SEPTIN6: variants seen among roughly 807,000 people sequenced by gnomAD.
The protein encoded by SEPTIN6 is septin 6.
SEPTIN6 carries 8 observed loss-of-function variants against 33.6 expected under a neutral mutation model. That is an observed-to-expected ratio of 0.24 (90% confidence interval 0.14 to 0.43). The LOEUF (loss-of-function observed/expected upper bound fraction) is 0.43. Ranked by LOEUF, SEPTIN6 falls within the 20% of genes least tolerant of loss-of-function variation. SEPTIN6 has a pLI of 1.00. For missense variants in SEPTIN6, 250 were observed against 340.8 expected, an observed-to-expected ratio of 0.73 and a Z score of 2.10; for synonymous variants, 131 against 140.0, an observed-to-expected ratio of 0.94 and a Z score of 0.45.
chrX:119,616,883 C>A, downstream of SEPTIN6: 2 of 1,086,966 alleles, frequency 1.8e-6, no homozygotes, highest in South Asian at 4.6e-5. Flanking sequence ...AAATGGGGGT[C>A]ATTGCTGGGC....
chrX:119,634,137 C>T (rs1191744059), intron 7 of SEPTIN6, among the ~76,000 whole-genome samples: 4 of 111,164 alleles, frequency 3.6e-5, no homozygotes, highest in African/African-American at 1.3e-4. Flanking sequence ...GAGGCCAAGA[C>T]GGGTGGATCA....
intron 9 of SEPTIN6, among the ~76,000 whole-genome samples, chrX:119,627,792 T>C (rs1409787603): frequency 1.4e-5 from 1 of 70,501 alleles, no homozygotes; most frequent in Non-Finnish European, 2.8e-5. Flanking sequence ...TCTGCACTTC[T>C]TTTTTTTTTT....
rs2055059718 is a variant in SEPTIN6, at chrX:119,686,549, T to G, written c.30+6527A>C. 4 of 925,409 alleles carry G rather than the reference T, an allele frequency of 4.3e-6. No individual in the cohort carries two copies. The East Asian group carries it at 3.0e-4, about 70-fold the overall frequency. The allele number at this position is 925,409 out of a possible 1,213,427, so 76.3% of individuals were successfully genotyped here. The stretch of plus-strand genomic sequence containing the variant: ...GAAGACACTGAAGAAGAGGATAACA[T>G]TATTTCTCACCCTCCTGAGCATGTG... On this transcript the variant is annotated intron_variant, in intron 1 of 10. Transcript: ENST00000394610.
intron 8 of SEPTIN6, among the ~76,000 whole-genome samples, chrX:119,630,658 A>G (rs1020703309): frequency 4.5e-5 from 5 of 111,731 alleles, no homozygotes; most frequent in Non-Finnish European, 9.4e-5. Flanking sequence ...GCACTTTGGG[A>G]GGCCAAGGTG....
Position 119,618,362 on chromosome X carries a change from TCAA to T in SEPTIN6, c.*1728_*1730del, listed in dbSNP as rs1017700754. On this transcript the variant is annotated 3_prime_UTR_variant, in exon 11 of 11. Transcript: ENST00000394610. ...ACAGCAAACCTATATTCTTGCTTTGTCAACAAGAAAAGTGCGTGCATATGTTTG... is the reference window on the plus strand; with the variant it reads ...ACAGCAAACCTATATTCTTGCTTTGTCAAGAAAAGTGCGTGCATATGTTTG... 1 of 817,901 alleles carries T rather than the reference TCAA, an allele frequency of 1.2e-6. No homozygotes were observed. Among genetic ancestry groups the T allele is most frequent in the African/African-American group, 2.2e-5 (1 of 45,947 alleles). 67.4% of individuals were successfully genotyped at this position (817,901 alleles called of 1,213,427 possible).
At chrX:119,632,189 C>T (rs765438159) in intron 8 of SEPTIN6, among the ~76,000 whole-genome samples, 10 of 109,101 alleles carry the variant, frequency 9.2e-5, no homozygotes, top group Non-Finnish European at 1.5e-4. Context: ...TGAGCCAAGG[C>T]ACCTGTCTGA....
At chrX:119,666,202 C>G in intron 2 of SEPTIN6, among the ~76,000 whole-genome samples, 1 of 112,328 alleles carries the variant, frequency 8.9e-6, no homozygotes, top group Middle Eastern at 4.6e-3. Flanking sequence ...ATCATCATCC[C>G]TGTTTTTCCC....
intron 8 of SEPTIN6, among the ~76,000 whole-genome samples, 169 bp downstream of exon 8, chrX:119,633,191 C>T (rs2053997365): frequency 8.9e-6 from 1 of 111,764 alleles, no homozygotes; most frequent in South Asian, 3.7e-4. Context: ...ATTGCTGGGT[C>T]GAATGGCATT....
rs768990848 is a variant in SEPTIN6, at chrX:119,633,285, C to T, written c.1089+75G>A. 30 of 981,952 alleles carry T rather than the reference C, an allele frequency of 3.1e-5. No individual in the cohort carries two copies. In the African/African-American group the frequency reaches 3.6e-4, roughly 12 times the overall value. The allele number at this position is 981,952 out of a possible 1,213,427, so 80.9% of individuals were successfully genotyped here. ...TACATTCACACCAACAGTGTAAAAG[C>T]GTTCCTATTTTTCCACAGTCTCACC... On this transcript the variant is annotated intron_variant, in intron 8 of 10. Coordinates refer to ENST00000394610, the MANE Select transcript of SEPTIN6 (RefSeq NM_145799.4).
chrX:119,629,071 G>A, intron 9 of SEPTIN6: 2 of 342,969 alleles, frequency 5.8e-6, no homozygotes, highest in South Asian at 1.7e-4. Flanking sequence ...GGGCTTTCCT[G>A]AGCAAGCTGG....
In SEPTIN6 at chrX:119,663,457, TACCCC is replaced by T; in HGVS notation, c.341+20_341+24del. 22 of 408,276 alleles carry T rather than the reference TACCCC, an allele frequency of 5.4e-5. No homozygotes were observed. Among genetic ancestry groups the T allele is most frequent in the Non-Finnish European group, 8.0e-5 (19 of 238,103 alleles). The allele number at this position is 408,276 out of a possible 1,213,427, so 33.6% of individuals were successfully genotyped here. On this transcript the variant is annotated intron_variant, in intron 3 of 10. Coordinates refer to ENST00000394610, the MANE Select transcript of SEPTIN6 (RefSeq NM_145799.4). ...CGGCCCTCTACCAACCTCCCCACCCTACCCCACCCCACCGCCTTCTTTACCTGTCC... is the reference window on the plus strand; with the variant it reads ...CGGCCCTCTACCAACCTCCCCACCCTACCCCACCGCCTTCTTTACCTGTCC...
chrX:119,629,292 C>T (rs2053915988), intron 9 of SEPTIN6, 26 bp downstream of exon 9: 10 of 1,198,301 alleles, frequency 8.3e-6, no homozygotes, highest in Non-Finnish European at 1.0e-5. Flanking sequence ...AGAGAAGGCA[C>T]CACCCCAGAG....
intron 2 of SEPTIN6, among the ~76,000 whole-genome samples, chrX:119,673,841 C>CAAAAAAAAAAAAAAAAAAAAA (rs774954935): frequency 1.0e-4 from 4 of 38,212 alleles, no homozygotes; most frequent in Non-Finnish European, 1.4e-4. Flanking sequence ...GACTCTGTCT[C>CAAAAAAAAAAAAAAAAAAAAA]AAAAAAAAAA....
chrX:119,617,032 A>ACC lies in SEPTIN6; in HGVS notation c.*3060_*3061insGG. The ACC allele has an allele frequency of 1.0e-6, 1 of 958,598 alleles. No homozygotes were observed. The highest frequency in any genetic ancestry group is 1.3e-6 in the Non-Finnish European group (1 of 760,845). 79.0% of individuals were successfully genotyped at this position (958,598 alleles called of 1,213,427 possible). ...TGATTAAAACAAAAAAACAAAAACAAGAGCCATCTACACTGCAGCTAGGGA... is the reference window on the plus strand; with the variant it reads ...TGATTAAAACAAAAAAACAAAAACAACCGAGCCATCTACACTGCAGCTAGGGA... On this transcript the variant is annotated 3_prime_UTR_variant, in exon 11 of 11. Transcript: ENST00000394610.
intron 3 of SEPTIN6, among the ~76,000 whole-genome samples, chrX:119,658,043 C>T (rs986296890): frequency 2.2e-4 from 25 of 111,488 alleles, no homozygotes; most frequent in Non-Finnish European, 4.5e-4. Flanking sequence ...AGGAGAATGG[C>T]GTGAACCCGG....
chrX:119,629,824 A>C (rs2053928919), intron 8 of SEPTIN6, among the ~76,000 whole-genome samples: 1 of 112,111 alleles, frequency 8.9e-6, no homozygotes, highest in African/African-American at 3.2e-5. Flanking sequence ...CAATTATAAT[A>C]ATATAACATT....
intron 4 of SEPTIN6, among the ~76,000 whole-genome samples, chrX:119,650,987 C>T (rs2054340265): frequency 9.0e-6 from 1 of 110,915 alleles, no homozygotes; most frequent in Admixed American, 9.6e-5. Flanking sequence ...AAGGCTTTTA[C>T]TGTCAGAAGG....
chrX:119,689,974 C>G (rs2055134889), intron 1 of SEPTIN6, among the ~76,000 whole-genome samples: 1 of 111,513 alleles, frequency 9.0e-6, no homozygotes, highest in Admixed American at 9.6e-5. Context: ...CATGATCTGC[C>G]CACCTCAGCC....
At chrX:119,661,373 G>C (rs961013143) in intron 3 of SEPTIN6, among the ~76,000 whole-genome samples, 14 of 111,350 alleles carry the variant, frequency 1.3e-4, no homozygotes, top group Admixed American at 1.1e-3. Flanking sequence ...GGAGCTTGCA[G>C]TGAGCTGAGA....
Sources: allele counts gnomAD v4.1 joint callset (sites outside exome capture counted in the v4.1 genomes callset), GRCh38; gene constraint gnomAD v4.1.1; transcripts MANE v1.5; gene names NCBI Gene and HGNC (gene_info 2026-07-23, HGNC 2026-07-21).